RPE65: variants seen among roughly 807,000 people sequenced by gnomAD.
RPE65 encodes retinoid isomerohydrolase RPE65, also known as retinoid isomerohydrolase.
A neutral mutation model predicts 68.5 loss-of-function variants in RPE65; 58 were observed. The ratio of observed to expected loss-of-function variants is 0.85; its 90% confidence interval spans 0.69 to 1.05. RPE65 has a LOEUF of 1.05. Ranked by LOEUF, RPE65 falls within the 50% of genes least tolerant of loss-of-function variation. The pLI, the probability that RPE65 is intolerant of heterozygous loss-of-function variation, is 0.00. For missense variants in RPE65, 643 were observed against 629.9 expected, an observed-to-expected ratio of 1.02 and a Z score of -0.22; for synonymous variants, 220 against 222.2, an observed-to-expected ratio of 0.99 and a Z score of 0.09.
chr1:68,443,697 C>T (rs1645919179), intron 5 of RPE65, among the ~76,000 whole-genome samples: 1 of 152,158 alleles, frequency 6.6e-6, no homozygotes, highest in Admixed American at 6.5e-5. Context: ...TCTTAAAAGA[C>T]TCGTCATATT....
intron 5 of RPE65, among the ~76,000 whole-genome samples, chr1:68,443,309 A>G (rs1414351638): frequency 1.2e-4 from 18 of 152,178 alleles, no homozygotes; most frequent in Admixed American, 1.2e-3. Context: ...GGGTTTGTAT[A>G]ATGATTGAAA....
intron 13 of RPE65, 125 bp from the exon 14 acceptor site, chr1:68,430,052 C>G: frequency 8.1e-7 from 1 of 1,229,938 alleles, no homozygotes; most frequent in Non-Finnish European, 1.1e-6. Flanking sequence ...GACCTGACTT[C>G]TTTTTCTGAC....
At chr1:68,447,224 G>A (rs1218345352) in intron 2 of RPE65, among the ~76,000 whole-genome samples, 1 of 152,188 alleles carries the variant, frequency 6.6e-6, no homozygotes, top group Non-Finnish European at 1.5e-5. Flanking sequence ...CAAATTTCTT[G>A]ATATATTTTA....
At chr1:68,434,091 G>GAT (rs56401732) in intron 10 of RPE65, among the ~76,000 whole-genome samples, 3,089 of 138,492 alleles carry the variant, frequency 0.022, 48 homozygotes, top group East Asian at 0.068. Flanking sequence ...GGGCATGAGG[G>GAT]ATATATATAT....
chr1:68,430,291 T>C (rs1274102913), intron 13 of RPE65, among the ~76,000 whole-genome samples: 1 of 152,220 alleles, frequency 6.6e-6, no homozygotes, highest in African/African-American at 2.4e-5. Context: ...CTGTACATAC[T>C]GTAAAAACTG....
chr1:68,443,190 A>T lies in RPE65; in HGVS notation c.495+1341T>A, dbSNP rs56085477. Among the ~76,000 whole-genome samples, 1,255 of 152,212 alleles carry T rather than the reference A, an allele frequency of 8.2e-3. 12 individuals carry two copies. The highest frequency in any genetic ancestry group is 0.028 in the African/African-American group (1,174 of 41,512). On this transcript the variant is annotated intron_variant, in intron 5 of 13. Transcript: ENST00000262340. The stretch of plus-strand genomic sequence containing the variant: ...TTATTCAAGCTTTTAATTTCATCCT[A>T]CCCTGTGTCTCAATATTCCCCTTGA...
intron 10 of RPE65, among the ~76,000 whole-genome samples, chr1:68,433,076 G>A (rs1386585262): frequency 6.6e-6 from 1 of 152,196 alleles, no homozygotes; most frequent in Non-Finnish European, 1.5e-5. Context: ...AGAAGTTCAA[G>A]TCTTGTCTTA....
At chr1:68,434,852 C>G (rs532414878) in intron 10 of RPE65, among the ~76,000 whole-genome samples, 1 of 152,066 alleles carries the variant, frequency 6.6e-6, no homozygotes, top group Non-Finnish European at 1.5e-5. Context: ...TAACTTTGAA[C>G]TCCTGGACTC....
chr1:68,433,985 A>G (rs539075072), intron 10 of RPE65, among the ~76,000 whole-genome samples: 92 of 152,086 alleles, frequency 6.0e-4, no homozygotes, highest in African/African-American at 2.1e-3. Context: ...TGGAAATTGC[A>G]GTAGGGCAAG....
chr1:68,429,655 G>A lies in RPE65; in HGVS notation c.*121C>T. 1 of 1,173,584 alleles carries A rather than the reference G, an allele frequency of 8.5e-7. No individual in the cohort carries two copies. Among genetic ancestry groups the A allele is most frequent in the South Asian group, 1.3e-5 (1 of 76,888 alleles). 72.7% of individuals were successfully genotyped at this position (1,173,584 alleles called of 1,614,324 possible). ...GCTTTCTGTAAAACATTGCAAAATT[G>A]TGCGCATCTGCAAGTTAAAACCATG... On this transcript the variant is annotated 3_prime_UTR_variant, in exon 14 of 14. Transcript: ENST00000262340.
chr1:68,437,961 C>G (rs1645872732), intron 10 of RPE65, among the ~76,000 whole-genome samples: 1 of 152,168 alleles, frequency 6.6e-6, no homozygotes, highest in African/African-American at 2.4e-5. Context: ...AATTTAAAAA[C>G]CTGGTTCTTA....
rs540861169 is a variant in RPE65, at chr1:68,439,463, G to A, written c.725+98C>T. On this transcript the variant is annotated intron_variant, in intron 7 of 13. Transcript: ENST00000262340. Reference sequence around the variant, plus strand: ...TAATTATGTTTAAATTTAGTTTTCTGCAAAAAAATATTGTGATCAGGATTG... The same window carrying A: ...TAATTATGTTTAAATTTAGTTTTCTACAAAAAAATATTGTGATCAGGATTG... 1.1e-3 allele frequency: 1,651 copies of A among 1,558,502 alleles called. 2 individuals carry two copies. The highest frequency in any genetic ancestry group is 1.4e-3 in the Non-Finnish European group (1,595 of 1,134,138).
At chr1:68,434,115 T>TATATATAC (rs1464413834) in intron 10 of RPE65, among the ~76,000 whole-genome samples, 6 of 99,494 alleles carry the variant, frequency 6.0e-5, no homozygotes, top group African/African-American at 1.6e-4. Flanking sequence ...TATATATATA[T>TATATATAC]ACACACACAC....
At chr1:68,430,128 A>C (rs1186355452) in intron 13 of RPE65, among the ~76,000 whole-genome samples, 4 of 152,122 alleles carry the variant, frequency 2.6e-5, no homozygotes, top group Non-Finnish European at 5.9e-5. Flanking sequence ...CCCTACCTAC[A>C]CTGTAAGCTC....
intron 10 of RPE65, 32 bp from the exon 11 acceptor site, chr1:68,431,617 G>C (rs372132824): frequency 6.4e-7 from 1 of 1,571,090 alleles, no homozygotes. Context: ...ACCTCAGTGA[G>C]CAGGAAAGAA....
At chr1:68,448,020 C>T (rs1208359407) in intron 2 of RPE65, among the ~76,000 whole-genome samples, 2 of 152,210 alleles carry the variant, frequency 1.3e-5, no homozygotes, top group Non-Finnish European at 2.9e-5. Context: ...GTAATAATTA[C>T]TGTCTATTGA....
chr1:68,439,418 C>T, intron 7 of RPE65, 95 bp from the exon 8 acceptor site: 2 of 1,567,370 alleles, frequency 1.3e-6, no homozygotes, highest in Non-Finnish European at 1.7e-6. Flanking sequence ...TTACAAGAAT[C>T]AACAGTGCCT....
At chr1:68,442,982 T>G (rs894952584) in intron 5 of RPE65, among the ~76,000 whole-genome samples, 1 of 152,248 alleles carries the variant, frequency 6.6e-6, no homozygotes. Flanking sequence ...TTTGTGGTTC[T>G]GGCTTTTAGT....
chr1:68,444,249 G>A (rs1403097664), intron 5 of RPE65, among the ~76,000 whole-genome samples: 1 of 152,170 alleles, frequency 6.6e-6, no homozygotes, highest in East Asian at 1.9e-4. Flanking sequence ...TTTTAGAGAT[G>A]AAGAAACAAT....
Sources: gnomAD v4.1 joint callset for allele counts (sites outside exome capture counted in the v4.1 genomes callset) on GRCh38, gnomAD v4.1.1 for gene constraint, MANE v1.5 for transcripts, NCBI Gene and HGNC (gene_info 2026-07-23, HGNC 2026-07-21) for gene names.